The following VPS54 variants were observed in gnomAD, a reference collection of about 807,000 sequenced individuals.
VPS54 encodes the protein vacuolar protein sorting-associated protein 54.
VPS54 carries 45 observed loss-of-function variants against 121.5 expected under a neutral mutation model. The ratio of observed to expected loss-of-function variants is 0.37; its 90% CI spans 0.29 to 0.47. The LOEUF (loss-of-function observed/expected upper bound fraction) is 0.47. VPS54 is among the 20% of genes least tolerant of loss of function. The pLI, the probability that VPS54 is intolerant of heterozygous loss-of-function variation, is 0.99. For synonymous variants in VPS54, 371 were observed against 385.8 expected (o/e 0.96, Z 0.45); for missense variants, 1,090 against 1,131.4 (o/e 0.96, Z 0.52).
At chr2:63,969,012 ATAT>A (rs764941763) in intron 4 of VPS54, 21 bp from the exon 5 acceptor site, 103 of 1,583,242 alleles carry the variant, frequency 6.5e-5, no homozygotes, top group Non-Finnish European at 8.4e-5. Context: ...AAGAAGGGAA[ATAT>A]TATTTTTAAA....
intron 1 of VPS54, among the ~76,000 whole-genome samples, chr2:64,011,172 C>T (rs1484915396): frequency 6.6e-6 from 1 of 152,034 alleles, no homozygotes; most frequent in Non-Finnish European, 1.5e-5. Context: ...CATAAATATC[C>T]TCATAAAATA....
At chr2:63,939,797 C>T (rs1194388541) in intron 11 of VPS54, among the ~76,000 whole-genome samples, 1 of 151,576 alleles carries the variant, frequency 6.6e-6, no homozygotes, top group Non-Finnish European at 1.5e-5. Flanking sequence ...AGTCTTGCTC[C>T]GTCACCAGGC....
intron 8 of VPS54, among the ~76,000 whole-genome samples, chr2:63,948,718 A>G (rs1442560928): frequency 6.6e-6 from 1 of 152,092 alleles, no homozygotes; most frequent in Non-Finnish European, 1.5e-5. Flanking sequence ...ACTTTTTATA[A>G]AAGACAAGCT....
At chr2:63,944,329 T>TGAGG (rs1323629675) in intron 10 of VPS54, among the ~76,000 whole-genome samples, 2,308 of 152,222 alleles carry the variant, frequency 0.015, 53 homozygotes, top group African/African-American at 0.053. Context: ...TCTAGCTCTC[T>TGAGG]AGTAAAGGTA....
chr2:63,944,546 CATCT>C (rs1191060625), intron 10 of VPS54, 50 bp downstream of exon 10: 2 of 1,472,444 alleles, frequency 1.4e-6, no homozygotes, highest in Non-Finnish European at 1.9e-6. Context: ...TTCTAATTTA[CATCT>C]ATCATCTTTT....
chr2:63,922,573 A>G (rs1673694821), intron 12 of VPS54, among the ~76,000 whole-genome samples: 1 of 152,198 alleles, frequency 6.6e-6, no homozygotes, highest in Non-Finnish European at 1.5e-5. Context: ...AGGTAGATAA[A>G]TAACCACCTA....
chr2:63,993,018 A>G (rs934654500), intron 1 of VPS54, among the ~76,000 whole-genome samples: 1 of 152,154 alleles, frequency 6.6e-6, no homozygotes, highest in African/African-American at 2.4e-5. Context: ...TATATTCTTC[A>G]TTATATTGAT....
At position 64,019,229 on chromosome 2, in the gene VPS54, C is replaced by A. The variant is rs1320816256; in HGVS notation, c.-312G>T. Among the ~76,000 whole-genome samples the A allele has an allele frequency of 6.7e-6, 1 of 150,346 alleles. No individual in the cohort carries two copies. The highest frequency in any genetic ancestry group is 1.5e-5 in the Non-Finnish European group (1 of 67,260). ...GCAGTTTCCCCCGGGTCCGCAGCGC[C>A]GCCTCCGCCGCTGCTGCCACCGCCT... On this transcript the variant is annotated 5_prime_UTR_variant, in exon 1 of 23. Coordinates refer to ENST00000272322, the MANE Select transcript of VPS54 (RefSeq NM_016516.3).
chr2:63,996,039 T>C (rs1380231590), intron 1 of VPS54, among the ~76,000 whole-genome samples: 1 of 152,178 alleles, frequency 6.6e-6, no homozygotes, highest in East Asian at 1.9e-4. Context: ...GGCTTGTCTT[T>C]AGTGTGCTGG....
intron 4 of VPS54, 69 bp downstream of exon 4, chr2:63,972,097 C>T: frequency 2.8e-6 from 3 of 1,055,446 alleles, no homozygotes; most frequent in African/African-American, 1.6e-5. Context: ...AATAAGGTCC[C>T]AAAATAAAGA....
At chr2:63,996,085 C>T (rs962185373) in intron 1 of VPS54, among the ~76,000 whole-genome samples, 4 of 152,146 alleles carry the variant, frequency 2.6e-5, no homozygotes, top group Non-Finnish European at 5.9e-5. Context: ...ATCGAGAGAA[C>T]AAGCCTTCAT....
At chr2:63,909,413 C>CTTTTTTTTTT (rs5831673) in intron 20 of VPS54, among the ~76,000 whole-genome samples, 1 of 69,922 alleles carries the variant, frequency 1.4e-5, no homozygotes, top group East Asian at 3.0e-4. Context: ...TATTAGCTGC[C>CTTTTTTTTTT]TTTTTTTTTT....
chr2:63,999,100 T>C (rs1391620480), intron 1 of VPS54, among the ~76,000 whole-genome samples: 1 of 151,966 alleles, frequency 6.6e-6, no homozygotes, highest in Non-Finnish European at 1.5e-5. Flanking sequence ...GCATGGACTA[T>C]CTATCATGCC....
At chr2:63,978,042 G>A (rs775660652) in intron 3 of VPS54, among the ~76,000 whole-genome samples, 7 of 152,164 alleles carry the variant, frequency 4.6e-5, no homozygotes, top group African/African-American at 1.4e-4. Context: ...GTGGTAATGC[G>A]TGAAGGGAGG....
intron 20 of VPS54, among the ~76,000 whole-genome samples, chr2:63,900,685 C>T (rs1672641933): frequency 6.6e-6 from 1 of 152,136 alleles, no homozygotes; most frequent in African/African-American, 2.4e-5. Flanking sequence ...GGTGTTCAGT[C>T]TTCAAAGGGA....
At chr2:63,973,000 A>G (rs1234030341) in intron 3 of VPS54, among the ~76,000 whole-genome samples, 1 of 152,208 alleles carries the variant, frequency 6.6e-6, no homozygotes, top group Non-Finnish European at 1.5e-5. Flanking sequence ...TTATCTTTTC[A>G]GAGATATCAC....
chr2:63,942,176 G>T (rs1313658962), intron 11 of VPS54, among the ~76,000 whole-genome samples: 2 of 151,710 alleles, frequency 1.3e-5, no homozygotes, highest in African/African-American at 4.8e-5. Flanking sequence ...TGTACCTCTA[G>T]ATAACCTAGG....
At chr2:63,983,821 T>C (rs755984917) in intron 2 of VPS54, 43 bp downstream of exon 2, 2 of 1,555,262 alleles carry the variant, frequency 1.3e-6, no homozygotes, top group African/African-American at 1.4e-5. Context: ...TTAAAGATAA[T>C]AGAAATCATC....
chr2:63,938,002 A>C (rs1478833132), intron 11 of VPS54, among the ~76,000 whole-genome samples: 1 of 151,092 alleles, frequency 6.6e-6, no homozygotes, highest in Non-Finnish European at 1.5e-5. Flanking sequence ...CAGAAAGTAG[A>C]ATGGTGGTTG....
Sources: allele counts gnomAD v4.1 joint callset (sites outside exome capture counted in the v4.1 genomes callset), GRCh38; gene constraint gnomAD v4.1.1; transcripts MANE v1.5; gene names NCBI Gene and HGNC (gene_info 2026-07-23, HGNC 2026-07-21).